ALK: variants seen among roughly 807,000 people sequenced by gnomAD.
ALK encodes the protein ALK tyrosine kinase receptor.
A neutral mutation model predicts 163.1 loss-of-function variants in ALK; 74 were observed. The ratio of observed to expected loss-of-function variants is 0.45; its 90% CI spans 0.38 to 0.55. The LOEUF (loss-of-function observed/expected upper bound fraction) is 0.55, where lower values mean the gene tolerates loss of function less well. ALK is among the 20% of genes least tolerant of loss of function. The pLI is 0.00. For missense variants in ALK, 2,063 were observed against 2,105.3 expected, an observed-to-expected ratio of 0.98 and a Z score of 0.39; for synonymous variants, 960 against 843.2, an observed-to-expected ratio of 1.14 and a Z score of -2.40.
chr2:29,849,663 T>A (rs540413462), intron 1 of ALK, among the ~76,000 whole-genome samples: 1 of 152,178 alleles, frequency 6.6e-6, no homozygotes, highest in Non-Finnish European at 1.5e-5. Flanking sequence ...ACAAGATACA[T>A]TTCCTGCCCT....
chr2:29,196,927 G>T (rs970312123), intron 27 of ALK, 67 bp from the exon 28 acceptor site: 1 of 1,385,738 alleles, frequency 7.2e-7, no homozygotes, highest in Non-Finnish European at 1.0e-6. Flanking sequence ...TTTTCTTCCA[G>T]CCCCAGGGTT....
chr2:29,758,099 C>T (rs939040934), intron 1 of ALK, among the ~76,000 whole-genome samples: 2 of 150,610 alleles, frequency 1.3e-5, no homozygotes, highest in African/African-American at 4.9e-5. Flanking sequence ...CAACCTCTGC[C>T]TCTTGGGCTC....
chr2:29,438,924 T>C (rs1452644931), intron 4 of ALK, among the ~76,000 whole-genome samples: 1 of 152,142 alleles, frequency 6.6e-6, no homozygotes, highest in Non-Finnish European at 1.5e-5. Flanking sequence ...TCCCTAGGGC[T>C]CCAGGGGCCA....
At chr2:29,339,848 C>T (rs1023036328) in intron 5 of ALK, among the ~76,000 whole-genome samples, 1 of 152,174 alleles carries the variant, frequency 6.6e-6, no homozygotes, top group Non-Finnish European at 1.5e-5. Flanking sequence ...TTTCCAACTT[C>T]CAAATCCTAG....
intron 8 of ALK, among the ~76,000 whole-genome samples, chr2:29,307,017 C>T (rs1238267569): frequency 6.6e-6 from 1 of 152,230 alleles, no homozygotes; most frequent in Non-Finnish European, 1.5e-5. Flanking sequence ...TAATTAAAGT[C>T]CTGTATGTAA....
rs371265308 is a variant in ALK at position 29,302,793 on chromosome 2, G to A, written c.1648-5736C>T. On this transcript the variant is annotated intron_variant, in intron 8 of 28. Transcript: ENST00000389048. ...ATATCCAGGCAGATGTTCTTCCTCA[G>A]GATATAAGCAGTCCACTGGCTAGCC... Among the ~76,000 whole-genome samples, 30 of 152,216 alleles carry A rather than the reference G, an allele frequency of 2.0e-4. No homozygotes were observed. The East Asian group carries it at 4.8e-3, about 25-fold the overall frequency.
intron 3 of ALK, among the ~76,000 whole-genome samples, chr2:29,545,892 G>A (rs2148170319): frequency 6.6e-6 from 1 of 152,274 alleles, no homozygotes; most frequent in East Asian, 1.9e-4. Context: ...CCTAGAAGTA[G>A]TAGTACAATT....
At position 29,863,008 on chromosome 2, in the gene ALK, T is replaced by G. The variant is rs376456166; in HGVS notation, c.667+56985A>C. Among the ~76,000 whole-genome samples, 41 of 152,198 alleles carry G rather than the reference T, an allele frequency of 2.7e-4. No homozygotes were observed. In the South Asian group the frequency reaches 8.5e-3, roughly 32 times the overall value. On this transcript the variant is annotated intron_variant, in intron 1 of 28. Transcript: ENST00000389048. ...TGACAAAGGTACCAAGAACATACAA[T>G]GAGGAAAAGGATAGTCTGTCTAAGA...
intron 1 of ALK, among the ~76,000 whole-genome samples, chr2:29,844,107 G>T (rs1265188330): frequency 1.3e-5 from 2 of 152,208 alleles, no homozygotes; most frequent in Non-Finnish European, 2.9e-5. Flanking sequence ...AAAAGGAGGT[G>T]AAGGAAATTT....
At chr2:29,449,406 T>G (rs1327062747) in intron 4 of ALK, among the ~76,000 whole-genome samples, 1 of 152,168 alleles carries the variant, frequency 6.6e-6, no homozygotes, top group Non-Finnish European at 1.5e-5. Context: ...TCTTGGACAT[T>G]GAGGGCTGCA....
intron 4 of ALK, among the ~76,000 whole-genome samples, chr2:29,395,991 T>A (rs916863851): frequency 1.3e-5 from 2 of 149,490 alleles, no homozygotes; most frequent in African/African-American, 2.4e-5. Context: ...ACTAAATACG[T>A]TTGTTTTGCT....
chr2:29,602,420 G>A (rs1675404987), intron 3 of ALK, among the ~76,000 whole-genome samples: 1 of 152,180 alleles, frequency 6.6e-6, no homozygotes, highest in Non-Finnish European at 1.5e-5. Context: ...ATATAAGACA[G>A]ACATGAGTAG....
intron 1 of ALK, among the ~76,000 whole-genome samples, chr2:29,785,793 C>T (rs1177686204): frequency 6.6e-6 from 1 of 152,032 alleles, no homozygotes; most frequent in African/African-American, 2.4e-5. Flanking sequence ...CCCGGCCTCC[C>T]GTCAGCAAAC....
rs546751404 is a variant in ALK at position 29,867,277 on chromosome 2, CAAAAACA to C, written c.667+52709_667+52715del. 5.1e-4 allele frequency among the ~76,000 whole-genome samples: 77 copies of C among 152,150 alleles called. No individual in the cohort carries two copies. The South Asian group carries it at 9.8e-3, about 19-fold the overall frequency. The stretch of plus-strand genomic sequence containing the variant: ...TCCCTTTAAGGAAGTTTAGTCCTTA[CAAAAACA>C]AAAAACAAAAAACATTAAGAGATTG... On this transcript the variant is annotated intron_variant, in intron 1 of 28. Coordinates refer to ENST00000389048, the MANE Select transcript of ALK (RefSeq NM_004304.5).
chr2:29,547,458 A>G (rs1381528051), intron 3 of ALK, among the ~76,000 whole-genome samples: 1 of 152,128 alleles, frequency 6.6e-6, no homozygotes, highest in East Asian at 1.9e-4. Context: ...TTAGCCGGGC[A>G]TGGTGGCGTG....
chr2:29,690,520 A>G (rs1429406815), intron 3 of ALK, among the ~76,000 whole-genome samples: 2 of 152,186 alleles, frequency 1.3e-5, no homozygotes, highest in Non-Finnish European at 2.9e-5. Context: ...GAGAAGAAAA[A>G]TACCTTTGAC....
chr2:29,525,498 A>C (rs761037530), intron 4 of ALK, among the ~76,000 whole-genome samples: 1 of 152,208 alleles, frequency 6.6e-6, no homozygotes, highest in Non-Finnish European at 1.5e-5. Context: ...GAATAGCTCA[A>C]GATGAGACTC....
intron 1 of ALK, among the ~76,000 whole-genome samples, chr2:29,790,545 C>G (rs201076195): frequency 1.3e-5 from 2 of 152,148 alleles, no homozygotes; most frequent in East Asian, 3.8e-4. Flanking sequence ...AATGTTACTA[C>G]CCATTGCTAT....
In ALK at chr2:29,920,924, C is replaced by T. The variant is rs1214695136; in HGVS notation, c.-265G>A. The T allele has an allele frequency of 4.0e-5, 21 of 518,964 alleles. No homozygotes were observed. The highest frequency in any genetic ancestry group is 6.5e-5 in the Non-Finnish European group (19 of 290,692). The allele number at this position is 518,964 out of a possible 1,614,324, so 32.1% of individuals were successfully genotyped here. On this transcript the variant is annotated 5_prime_UTR_variant, in exon 1 of 29. Coordinates refer to ENST00000389048, the MANE Select transcript of ALK (RefSeq NM_004304.5). ...GGGCTCACTGGCTGGGACCTTGAGC[C>T]TCCCGCTCTCCGCGCCGAGTGCCGC... is the stretch of plus-strand genomic sequence containing the variant.
Sources: allele counts gnomAD v4.1 joint callset (sites outside exome capture counted in the v4.1 genomes callset), GRCh38; gene constraint gnomAD v4.1.1; transcripts MANE v1.5; gene names NCBI Gene and HGNC (gene_info 2026-07-23, HGNC 2026-07-21).